Variants in SCNN1B observed in about 807,000 individuals in gnomAD.
The protein encoded by SCNN1B is sodium channel epithelial 1 subunit beta.
A neutral mutation model predicts 65.3 loss-of-function variants in SCNN1B; 46 were observed. That is an observed-to-expected ratio of 0.70 (90% CI 0.56 to 0.90). The LOEUF is 0.90. Ranked by LOEUF, SCNN1B falls within the 40% of genes least tolerant of loss-of-function variation. SCNN1B has a pLI of 0.00. For missense variants in SCNN1B, 751 were observed against 830.5 expected (o/e 0.90, Z 1.18); for synonymous variants, 349 against 330.6 (o/e 1.06, Z -0.60).
chr16:23,307,325 G>A (rs955852163), intron 1 of SCNN1B, among the ~76,000 whole-genome samples: 15 of 134,540 alleles, frequency 1.1e-4, no homozygotes, highest in Admixed American at 9.8e-4. Context: ...TGGTGGTTGT[G>A]GGGTGGTGTG....
chr16:23,291,008 A>G (rs905261176), intron 2 of SCNN1B, among the ~76,000 whole-genome samples: 1 of 151,886 alleles, frequency 6.6e-6, no homozygotes. Context: ...ATCTGACCAC[A>G]CACCTTAAAA....
intron 3 of SCNN1B, among the ~76,000 whole-genome samples, chr16:23,353,496 G>C (rs776744820): frequency 7.2e-5 from 11 of 152,026 alleles, no homozygotes; most frequent in Non-Finnish European, 1.3e-4. Context: ...AGTGGTCCCA[G>C]AAAAAGAGCT....
intron 1 of SCNN1B, among the ~76,000 whole-genome samples, chr16:23,335,451 T>A (rs76855096): frequency 8.4e-6 from 1 of 118,668 alleles, no homozygotes; most frequent in African/African-American, 3.6e-5. Flanking sequence ...CGTGCCAGCC[T>A]GTATTTTCTT....
chr16:23,299,092 C>T (rs1961038078), upstream of SCNN1B, among the ~76,000 whole-genome samples: 1 of 143,880 alleles, frequency 7.0e-6, no homozygotes, highest in Non-Finnish European at 1.5e-5. Context: ...TTGAGTCTCA[C>T]TCTGTCACCC....
chr16:23,305,622 C>T (rs1469290783), intron 1 of SCNN1B, among the ~76,000 whole-genome samples: 1 of 126,102 alleles, frequency 7.9e-6, no homozygotes, highest in Non-Finnish European at 1.7e-5. Context: ...TGGCATGTAC[C>T]TACAGTCCCA....
chr16:23,331,071 T>C (rs558740518), intron 1 of SCNN1B, among the ~76,000 whole-genome samples: 1 of 152,182 alleles, frequency 6.6e-6, no homozygotes, highest in Non-Finnish European at 1.5e-5. Context: ...ATCTTCCATC[T>C]CAGGACCAGC....
chr16:23,286,739 A>G (rs1960855725), intron 2 of SCNN1B, among the ~76,000 whole-genome samples: 1 of 152,206 alleles, frequency 6.6e-6, no homozygotes, highest in Admixed American at 6.5e-5. Flanking sequence ...TGACCTGGAA[A>G]AAGGAGAGAG....
At chr16:23,354,720 G>A (rs767435606) in intron 3 of SCNN1B, among the ~76,000 whole-genome samples, 6 of 152,174 alleles carry the variant, frequency 3.9e-5, no homozygotes, top group Non-Finnish European at 7.4e-5. Context: ...GTGTGCGTGC[G>A]TGTGTGTGTG....
At chr16:23,313,567 C>T (rs1410291703) in intron 1 of SCNN1B, among the ~76,000 whole-genome samples, 2 of 152,186 alleles carry the variant, frequency 1.3e-5, no homozygotes, top group Non-Finnish European at 2.9e-5. Context: ...AAATGGCTCT[C>T]TCCCCTACAG....
At chr16:23,360,229 C>CAAAT (rs1223529199) in intron 4 of SCNN1B, among the ~76,000 whole-genome samples, 269 of 116,060 alleles carry the variant, frequency 2.3e-3, no homozygotes, top group African/African-American at 8.5e-3. Flanking sequence ...AATAAATAAA[C>CAAAT]AAATAAATAA....
At position 23,352,842 on chromosome 16, in the gene SCNN1B, T is replaced by C; in HGVS notation, c.353T>C (p.Leu118Pro). Reference protein sequence around the residue: ...IKHLLKDLDELMEAVLERILA... With the variant: ...IKHLLKDLDEPMEAVLERILA... ...CATTTGCTGAAGGACCTGGATGAGC[T>C]GATGGAAGCTGTCCTGGAGAGAATC... Residue 118 changes from leucine to proline, a missense_variant, in exon 3 of 13, where the codon CTG (leucine) becomes CCG (proline). Physicochemically the swap from Leu to Pro is moderately conservative, Grantham distance 98. Coordinates refer to ENST00000343070, the MANE Select transcript of SCNN1B (RefSeq NM_000336.3). 1 of 1,614,186 alleles carries C rather than the reference T, an allele frequency of 6.2e-7. No individual in the cohort carries two copies. Among genetic ancestry groups the C allele is most frequent in the Admixed American group, 1.7e-5 (1 of 60,026 alleles).
In SCNN1B at chr16:23,374,868, C is replaced by G. The variant is rs1363689530; in HGVS notation, c.1153-870C>G. ...TCCAGGAGCCCGGGGTAGTCAGGAC[C>G]TAGGAAACTGGATAGGCAATGAAAC... On this transcript the variant is annotated intron_variant, in intron 7 of 12. Transcript: ENST00000343070. Among the ~76,000 whole-genome samples, 4 of 151,898 alleles carry G rather than the reference C, an allele frequency of 2.6e-5. No individual in the cohort carries two copies. The South Asian group carries it at 8.3e-4, about 32-fold the overall frequency.
At chr16:23,304,758 T>C (rs142370080) in intron 1 of SCNN1B, among the ~76,000 whole-genome samples, 1 of 152,216 alleles carries the variant, frequency 6.6e-6, no homozygotes, top group African/African-American at 2.4e-5. Flanking sequence ...AAAGCTAGAA[T>C]CAGAGACACT....
At chr16:23,355,938 A>C (rs1422286313) in intron 4 of SCNN1B, among the ~76,000 whole-genome samples, 1 of 152,014 alleles carries the variant, frequency 6.6e-6, no homozygotes, top group Non-Finnish European at 1.5e-5. Context: ...AAAATAGTAA[A>C]ATAAATTAAA....
At chr16:23,357,961 A>G (rs1450919385) in intron 4 of SCNN1B, among the ~76,000 whole-genome samples, 1 of 152,216 alleles carries the variant, frequency 6.6e-6, no homozygotes, top group Non-Finnish European at 1.5e-5. Flanking sequence ...CTGCAACTTC[A>G]AGTGCATGGC....
In SCNN1B at chr16:23,348,508, C is replaced by A; in HGVS notation, c.-8-84C>A. ...GGGAGGAAGAACGGGGACGTACCGC[C>A]GCCCAGTTCCTGGACGTGACTGGGA... On this transcript the variant is annotated intron_variant, in intron 1 of 12. Coordinates refer to ENST00000343070, the MANE Select transcript of SCNN1B (RefSeq NM_000336.3). This position sits in a 1 kb window ranked among gnomAD's most constrained non-coding sequence, Gnocchi z 4.5. 2.2e-6 allele frequency: 3 copies of A among 1,334,326 alleles called. No homozygotes were observed. Among genetic ancestry groups the A allele is most frequent in the Non-Finnish European group, 2.1e-6 (2 of 948,428 alleles). 82.7% of individuals were successfully genotyped at this position (1,334,326 alleles called of 1,614,324 possible).
intron 1 of SCNN1B, among the ~76,000 whole-genome samples, chr16:23,340,648 A>G (rs1193525187): frequency 6.6e-6 from 1 of 152,092 alleles, no homozygotes; most frequent in Non-Finnish European, 1.5e-5. Flanking sequence ...CCAGTACTTT[A>G]TTGGCCCAAG....
chr16:23,290,999 T>G (rs2141970425), intron 2 of SCNN1B, among the ~76,000 whole-genome samples: 1 of 152,232 alleles, frequency 6.6e-6, no homozygotes, highest in Admixed American at 6.5e-5. Context: ...CTAAGTGATA[T>G]CTGACCACAC....
chr16:23,340,273 G>T (rs1962028476), intron 1 of SCNN1B, among the ~76,000 whole-genome samples: 1 of 152,076 alleles, frequency 6.6e-6, no homozygotes, highest in African/African-American at 2.4e-5. Flanking sequence ...CATGTCTTTT[G>T]AAAAGCAGAA....
Sources: allele counts gnomAD v4.1 joint callset (sites outside exome capture counted in the v4.1 genomes callset), GRCh38; gene constraint gnomAD v4.1.1; non-coding constraint Gnocchi (gnomAD v3.1); transcripts MANE v1.5; gene names NCBI Gene and HGNC (gene_info 2026-07-23, HGNC 2026-07-21).